Variants in AOPEP observed in about 807,000 individuals in gnomAD.
AOPEP encodes aminopeptidase O (putative).
Under a neutral mutation model 98.1 loss-of-function variants are expected in AOPEP, and 77 were observed. The ratio of observed to expected loss-of-function variants is 0.78; its 90% CI spans 0.65 to 0.95. AOPEP has a LOEUF of 0.95. AOPEP is among the 40% of genes least tolerant of loss of function. AOPEP has a pLI of 0.00. For missense variants in AOPEP, 1,024 were observed against 1,024.7 expected, an observed-to-expected ratio of 1.00 and a Z score of 0.01; for synonymous variants, 346 against 365.3, an observed-to-expected ratio of 0.95 and a Z score of 0.60.
chr9:94,916,389 C>T (rs1427314372), intron 5 of AOPEP, among the ~76,000 whole-genome samples: 3 of 152,162 alleles, frequency 2.0e-5, no homozygotes, highest in Non-Finnish European at 4.4e-5. Context: ...ACACAGCTTT[C>T]ATTCATAAGT....
intron 10 of AOPEP, among the ~76,000 whole-genome samples, chr9:94,978,245 T>C (rs2059971638): frequency 6.6e-6 from 1 of 152,186 alleles, no homozygotes; most frequent in Non-Finnish European, 1.5e-5. Context: ...AGTTACATAC[T>C]TTTACATATG....
chr9:95,147,649 T>C, the AOPEP span, among the ~76,000 whole-genome samples: 1 of 152,338 alleles, frequency 6.6e-6, no homozygotes, highest in Non-Finnish European at 1.5e-5. Flanking sequence ...AAGTTATTTT[T>C]CCCTTGCCTT....
In AOPEP at chr9:94,808,145, C is replaced by T. The variant is rs576272731; in HGVS notation, c.1364+7143C>T. ...GCCACCTATGCCTCCCAGGTTTAGG[C>T]AGTTCTGCCTCAGCCTCCTGAGTAG... On this transcript the variant is annotated intron_variant, in intron 5 of 16. Coordinates refer to ENST00000375315, the MANE Select transcript of AOPEP (RefSeq NM_001193329.3). 7.3e-5 allele frequency among the ~76,000 whole-genome samples: 11 copies of T among 151,492 alleles called. 1 individual carries two copies. In the South Asian group the frequency reaches 2.1e-3, roughly 29 times the overall value.
chr9:94,772,403 C>T (rs1401674724), intron 2 of AOPEP, among the ~76,000 whole-genome samples: 2 of 152,192 alleles, frequency 1.3e-5, no homozygotes, highest in Admixed American at 1.3e-4. Context: ...CGACTCTGCG[C>T]CCTTGGCTTT....
At chr9:95,071,559 C>T (rs1013872990) in intron 14 of AOPEP, among the ~76,000 whole-genome samples, 2 of 152,154 alleles carry the variant, frequency 1.3e-5, no homozygotes, top group South Asian at 2.1e-4. Flanking sequence ...GACGAGCATG[C>T]ACCAAACTGA....
At chr9:94,934,621 A>G (rs2055963228) in intron 7 of AOPEP, 1 of 152,244 alleles carries the variant, frequency 6.6e-6, no homozygotes, top group Admixed American at 6.5e-5. Flanking sequence ...GTACAGGAAA[A>G]CTGTTTTTTC....
chr9:94,796,531 A>G (rs1435298287), intron 4 of AOPEP, among the ~76,000 whole-genome samples: 2 of 152,102 alleles, frequency 1.3e-5, no homozygotes, highest in African/African-American at 4.8e-5. Flanking sequence ...TCTACTTCAA[A>G]CCTTCCTAAG....
At chr9:94,894,704 G>A (rs1163267174) in intron 5 of AOPEP, among the ~76,000 whole-genome samples, 1 of 152,120 alleles carries the variant, frequency 6.6e-6, no homozygotes, top group Non-Finnish European at 1.5e-5. Context: ...TTTATGACCA[G>A]CAAAATACTA....
At chr9:95,133,837 T>C in the AOPEP span, among the ~76,000 whole-genome samples, 1 of 152,246 alleles carries the variant, frequency 6.6e-6, no homozygotes, top group South Asian at 2.1e-4. Flanking sequence ...AGGTAATTTA[T>C]GACCTTGAAT....
chr9:95,099,589 T>C, the AOPEP span: 1 of 229,062 alleles, frequency 4.4e-6, no homozygotes, highest in Non-Finnish European at 8.6e-6. Flanking sequence ...GAGGGGTGGC[T>C]CCCCCAGCTC....
intron 11 of AOPEP, among the ~76,000 whole-genome samples, chr9:94,986,572 T>C (rs2060532253): frequency 6.6e-6 from 1 of 152,194 alleles, no homozygotes; most frequent in Non-Finnish European, 1.5e-5. Flanking sequence ...TCCCAAATGA[T>C]GTTAGTATCT....
chr9:95,110,649 T>C, the AOPEP span: 7 of 1,046,852 alleles, frequency 6.7e-6, no homozygotes, highest in Non-Finnish European at 8.1e-6. Flanking sequence ...TATTAGTCTG[T>C]GTGTTTTCAA....
chr9:95,031,493 T>G (rs1021215036), intron 13 of AOPEP, among the ~76,000 whole-genome samples: 2 of 152,202 alleles, frequency 1.3e-5, no homozygotes, highest in African/African-American at 4.8e-5. Context: ...CATTTTTTAA[T>G]AGAAACTGAT....
intron 13 of AOPEP, among the ~76,000 whole-genome samples, chr9:95,057,720 CCTA>C (rs2066949896): frequency 6.6e-6 from 1 of 151,574 alleles, no homozygotes; most frequent in Non-Finnish European, 1.5e-5. Context: ...ATTTTTTTTC[CCTA>C]CTTTTTTCAG....
intron 3 of AOPEP, among the ~76,000 whole-genome samples, chr9:94,781,758 C>T (rs1843307951): frequency 6.6e-6 from 1 of 151,228 alleles, no homozygotes; most frequent in African/African-American, 2.4e-5. Flanking sequence ...GACGGGGTTT[C>T]ACCGTGTTAG....
At chr9:95,054,755 T>C (rs1452103122) in intron 13 of AOPEP, among the ~76,000 whole-genome samples, 3 of 152,262 alleles carry the variant, frequency 2.0e-5, no homozygotes, top group Non-Finnish European at 4.4e-5. Context: ...ATGAGCTATA[T>C]GAATATTTGC....
chr9:94,922,020 G>A (rs1264980651), intron 5 of AOPEP, among the ~76,000 whole-genome samples: 2 of 152,092 alleles, frequency 1.3e-5, no homozygotes, highest in African/African-American at 2.4e-5. Flanking sequence ...GGCCGGGGTC[G>A]TGTCTCCAGA....
intron 5 of AOPEP, among the ~76,000 whole-genome samples, chr9:94,827,037 A>C (rs1291820945): frequency 1.3e-5 from 2 of 152,210 alleles, no homozygotes; most frequent in Non-Finnish European, 2.9e-5. Flanking sequence ...AATGCATGAT[A>C]AAATTTGGTT....
At chr9:94,811,637 G>A (rs1212923338) in intron 5 of AOPEP, among the ~76,000 whole-genome samples, 1 of 152,170 alleles carries the variant, frequency 6.6e-6, no homozygotes, top group Non-Finnish European at 1.5e-5. Flanking sequence ...GCTCAGCAGG[G>A]TGCACTGCCT....
Sources: allele counts gnomAD v4.1 joint callset (sites outside exome capture counted in the v4.1 genomes callset), GRCh38; gene constraint gnomAD v4.1.1; transcripts MANE v1.5; gene names NCBI Gene and HGNC (gene_info 2026-07-23, HGNC 2026-07-21).